EML3: variants seen among roughly 807,000 people sequenced by gnomAD.
EML3 encodes the protein echinoderm microtubule-associated protein-like 3.
EML3 carries 53 observed loss-of-function variants against 106.7 expected under a neutral mutation model. The ratio of observed to expected loss-of-function variants is 0.50; its 90% CI spans 0.40 to 0.62. The LOEUF (loss-of-function observed/expected upper bound fraction) is 0.62, where lower values mean the gene tolerates loss of function less well. EML3 is among the 20% of genes least tolerant of loss of function. The pLI, the probability that EML3 is intolerant of heterozygous loss-of-function variation, is 0.00. For missense variants in EML3, 994 were observed against 1,209.1 expected, an observed-to-expected ratio of 0.82 and a Z score of 2.64; for synonymous variants, 499 against 489.6, an observed-to-expected ratio of 1.02 and a Z score of -0.25.
At chr11:62,606,876 A>AG in intron 12 of EML3, 82 bp downstream of exon 12, 1 of 1,200,266 alleles carries the variant, frequency 8.3e-7, no homozygotes, top group Non-Finnish European at 1.1e-6. Flanking sequence ...AAAAAAAAAG[A>AG]TGGGAATGGG....
At chr11:62,611,375 C>G (rs1942815320) in intron 2 of EML3, 31 bp from the exon 3 acceptor site, 1 of 1,613,356 alleles carries the variant, frequency 6.2e-7, no homozygotes, top group Non-Finnish European at 8.5e-7. Context: ...TAACCTGAAG[C>G]CCCAGAGGCC....
In EML3 at chr11:62,605,188, A is replaced by C; in HGVS notation, c.1915-8T>G. ...AGCACAGAGACCAGTCTCCTGGGAG[A>C]GGGGAGAAGGTGAATTCAAGATGAT... On this transcript the variant is annotated splice_region_variant and splice_polypyrimidine_tract_variant and intron_variant, in intron 15 of 21. Coordinates refer to ENST00000394773, the MANE Select transcript of EML3 (RefSeq NM_153265.3). The surrounding 1 kb of genome is among the most constrained non-coding windows in gnomAD (Gnocchi z 5.2). 1.2e-6 allele frequency: 2 copies of C among 1,611,100 alleles called. No homozygotes were observed. Among genetic ancestry groups the C allele is most frequent in the South Asian group, 2.2e-5 (2 of 90,830 alleles).
At position 62,605,448 on chromosome 11, in the gene EML3, G is replaced by T; in HGVS notation, c.1914+194C>A. 1 of 806,598 alleles carries T rather than the reference G, an allele frequency of 1.2e-6. No homozygotes were observed. The highest frequency in any genetic ancestry group is 1.9e-6 in the Non-Finnish European group (1 of 535,922). 50.0% of individuals were successfully genotyped at this position (806,598 alleles called of 1,614,324 possible). ...TGAGGGGTTCTGGGGGCGGCAGGGAGTGCCCAGGTGGTACTAGAAGCATCA... is the reference window on the plus strand; with the variant it reads ...TGAGGGGTTCTGGGGGCGGCAGGGATTGCCCAGGTGGTACTAGAAGCATCA... On this transcript the variant is annotated intron_variant, in intron 15 of 21. Transcript: ENST00000394773. This position sits in a 1 kb window ranked among gnomAD's most constrained non-coding sequence, Gnocchi z 5.2.
chr11:62,607,326 A>T, intron 11 of EML3: 2 of 470,760 alleles, frequency 4.2e-6, no homozygotes, highest in South Asian at 7.9e-5. Flanking sequence ...CTCAAAAACA[A>T]AAAAAACAAA....
At chr11:62,607,597 T>C (rs866867810) in intron 11 of EML3, 69 bp downstream of exon 11, 12 of 1,531,828 alleles carry the variant, frequency 7.8e-6, no homozygotes, top group Admixed American at 5.8e-5. Context: ...TCAGGGTCCA[T>C]AGTACTCAGC....
chr11:62,611,671 C>G lies in EML3; in HGVS notation c.23-75G>C, dbSNP rs1165683114. ...GCGTAGAGGGGATTCTGTCTCCCCA[C>G]AACTTTACATGTGTCCGGTAGGACT... On this transcript the variant is annotated intron_variant, in intron 1 of 21. Transcript: ENST00000394773. 5 of 1,487,940 alleles carry G rather than the reference C, an allele frequency of 3.4e-6. No homozygotes were observed. The African/African-American group carries it at 7.0e-5, about 21-fold the overall frequency. 92.2% of individuals were successfully genotyped at this position (1,487,940 alleles called of 1,614,324 possible). A position where few individuals can be genotyped will look rare whatever the true frequency, so the allele number is the denominator to read the frequency against.
At chr11:62,609,828 G>A in intron 4 of EML3, 132 bp from the exon 5 acceptor site, 1 of 723,124 alleles carries the variant, frequency 1.4e-6, no homozygotes, top group Non-Finnish European at 2.3e-6. Context: ...TGCTTCGTGA[G>A]TATCAGGGCC....
At position 62,612,736 on chromosome 11, in the gene EML3, G is replaced by C. The variant is rs894220175; in HGVS notation, c.-279C>G. ...CAGGGCCGTCCGGTGCCACAGCGCC[G>C]CAGCACAAACAGGCGCCGGACGCGG... On this transcript the variant is annotated 5_prime_UTR_variant, in exon 1 of 22. Transcript: ENST00000394773. 8 of 314,330 alleles carry C rather than the reference G, an allele frequency of 2.5e-5. No homozygotes were observed. The highest frequency in any genetic ancestry group is 1.5e-4 in the African/African-American group (7 of 45,428). The allele number at this position is 314,330 out of a possible 1,614,324, so 19.5% of individuals were successfully genotyped here.
intron 19 of EML3, 127 bp from the exon 20 acceptor site, chr11:62,603,374 G>T: frequency 1.2e-6 from 1 of 846,854 alleles, no homozygotes. Flanking sequence ...CACCGTAGTA[G>T]CATCACCTCC....
chr11:62,602,322 C>A lies in EML3; in HGVS notation c.*153G>T, dbSNP rs1246446788. The A allele has an allele frequency of 2.1e-5, 32 of 1,550,872 alleles. No homozygotes were observed. The highest frequency in any genetic ancestry group is 2.7e-5 in the Non-Finnish European group (31 of 1,146,826). Reference sequence around the variant, plus strand: ...CGGGTCTAAACAGTGTGTGCAGGGGCGCCGTTCGCGCCCTCCAGGAAAATG... The same window carrying A: ...CGGGTCTAAACAGTGTGTGCAGGGGAGCCGTTCGCGCCCTCCAGGAAAATG... On this transcript the variant is annotated 3_prime_UTR_variant, in exon 22 of 22. Transcript: ENST00000394773.
At chr11:62,611,997 C>CG (rs1474706443) in intron 1 of EML3, 1 of 357,052 alleles carries the variant, frequency 2.8e-6, no homozygotes, top group South Asian at 3.9e-5. Flanking sequence ...GTAACTGAGC[C>CG]GGGGGAACAC....
Position 62,609,706 on chromosome 11 carries a change from A to C in EML3, c.567-10T>G, listed in dbSNP as rs745525592. The C allele has an allele frequency of 1.3e-6, 2 of 1,592,306 alleles. No individual in the cohort carries two copies. Among genetic ancestry groups the C allele is most frequent in the Non-Finnish European group, 1.7e-6 (2 of 1,170,684 alleles). On this transcript the variant is annotated splice_polypyrimidine_tract_variant and intron_variant, in intron 4 of 21. Transcript: ENST00000394773. Reference sequence around the variant, plus strand: ...GTCTTTTCCCCCACGGCTGTTGGGAAGAGAGAAAGCACAGGGATTGGGGTC... The same window carrying C: ...GTCTTTTCCCCCACGGCTGTTGGGACGAGAGAAAGCACAGGGATTGGGGTC...
At chr11:62,609,806 A>G in intron 4 of EML3, 110 bp from the exon 5 acceptor site, 1 of 935,528 alleles carries the variant, frequency 1.1e-6, no homozygotes, top group Non-Finnish European at 1.6e-6. Context: ...TCACTTCTGC[A>G]AGCCTGTAGT....
At chr11:62,607,936 C>G (rs1942617399) in intron 10 of EML3, 115 bp from the exon 11 acceptor site, 2 of 1,272,696 alleles carry the variant, frequency 1.6e-6, no homozygotes, top group African/African-American at 3.0e-5. Flanking sequence ...AACCCCAGGA[C>G]AACCCTTCTT....
At chr11:62,612,028 G>A (rs1942857642) in intron 1 of EML3, 2 of 365,734 alleles carry the variant, frequency 5.5e-6, no homozygotes, top group Admixed American at 4.5e-5. Context: ...AACGGGGTGC[G>A]GGAATGGAGT....
At chr11:62,609,771 AAAG>A in intron 4 of EML3, 75 bp from the exon 5 acceptor site, 1 of 1,346,918 alleles carries the variant, frequency 7.4e-7, no homozygotes, top group Non-Finnish European at 1.0e-6. Context: ...GGACACAAGA[AAAG>A]AGGTCACTGC....
chr11:62,610,450 T>C (rs1000527838), intron 4 of EML3, among the ~76,000 whole-genome samples: 4 of 152,122 alleles, frequency 2.6e-5, no homozygotes, highest in Non-Finnish European at 5.9e-5. Flanking sequence ...GGGCTGAAGC[T>C]CTAGGGACAG....
rs766885867 is a variant in EML3, at chr11:62,606,945, C to G, written c.1504+13G>C. On this transcript the variant is annotated intron_variant, in intron 12 of 21. Coordinates refer to ENST00000394773, the MANE Select transcript of EML3 (RefSeq NM_153265.3). Reference sequence around the variant, plus strand: ...AGTACTACACTTCCCAGATGCCCCTCCCAGCCACATACCTTTGGCGCCACC... The same window carrying G: ...AGTACTACACTTCCCAGATGCCCCTGCCAGCCACATACCTTTGGCGCCACC... 1 of 1,612,580 alleles carries G rather than the reference C, an allele frequency of 6.2e-7. No homozygotes were observed. The highest frequency in any genetic ancestry group is 1.1e-5 in the South Asian group (1 of 90,954).
Position 62,606,980 on chromosome 11 carries a change from G to C in EML3, c.1482C>G (p.Thr494=). The C allele has an allele frequency of 6.2e-7, 1 of 1,614,086 alleles. No homozygotes were observed. Among genetic ancestry groups the C allele is most frequent in the Non-Finnish European group, 8.5e-7 (1 of 1,179,958 alleles). ...TACCTTTGGCGCCACCCCTGCCTGG[G>C]GTCTTGGAATCTGAAGGGCTCCGCC... is the stretch of plus-strand genomic sequence containing the variant. ...TWGRSPSDSK[T]PGRGGAKETY... is the part of the protein sequence containing the mutation. Residue 494 remains threonine (T), a synonymous_variant, in exon 12 of 22, where the codon ACC becomes ACG. Coordinates refer to ENST00000394773, the MANE Select transcript of EML3 (RefSeq NM_153265.3).
Sources: allele counts gnomAD v4.1 joint callset (sites outside exome capture counted in the v4.1 genomes callset), GRCh38; gene constraint gnomAD v4.1.1; non-coding constraint Gnocchi (gnomAD v3.1); transcripts MANE v1.5; gene names NCBI Gene and HGNC (gene_info 2026-07-23, HGNC 2026-07-21).